ADARB2: variants seen among roughly 807,000 people sequenced by gnomAD.
ADARB2 encodes the protein adenosine deaminase RNA specific B2 (inactive).
ADARB2 carries 25 observed loss-of-function variants against 62.2 expected under a neutral mutation model. The observed-to-expected ratio is 0.40, with a 90% CI of 0.29 to 0.56. ADARB2 has a LOEUF of 0.56. Among genes scored for constraint, ADARB2 ranks in the 20% least tolerant of loss-of-function variants. The pLI is 0.43. For synonymous variants in ADARB2, 572 were observed against 500.8 expected (o/e 1.14, Z -1.90); for missense variants, 1,071 against 1,077.4 (o/e 0.99, Z 0.08).
chr10:1,386,530 G>T (rs1006442615), intron 1 of ADARB2, among the ~76,000 whole-genome samples: 4 of 151,930 alleles, frequency 2.6e-5, no homozygotes, highest in African/African-American at 9.7e-5. Context: ...GTTAACAATA[G>T]ACACAGTAGT....
chr10:1,379,038 G>A, intron 2 of ADARB2, 36 bp downstream of exon 2: 15 of 1,558,002 alleles, frequency 9.6e-6, no homozygotes, highest in Middle Eastern at 1.7e-4. Context: ...AGGATACAGG[G>A]GCCTTTGTGT....
At chr10:1,343,330 G>A (rs1051055807) in intron 3 of ADARB2, among the ~76,000 whole-genome samples, 4 of 152,132 alleles carry the variant, frequency 2.6e-5, no homozygotes, top group African/African-American at 7.2e-5. Context: ...TCTCACAGCC[G>A]TCAGAATGGC....
At chr10:1,302,346 G>C (rs547864396) in intron 3 of ADARB2, among the ~76,000 whole-genome samples, 8 of 152,332 alleles carry the variant, frequency 5.3e-5, no homozygotes, top group African/African-American at 1.9e-4. Context: ...CGCACCACGA[G>C]ATTATATCCC....
At chr10:1,583,429 T>C (rs915553202) in intron 1 of ADARB2, among the ~76,000 whole-genome samples, 2 of 152,184 alleles carry the variant, frequency 1.3e-5, no homozygotes, top group East Asian at 1.9e-4. Flanking sequence ...ATTTTTAAGA[T>C]GAAGTGATGC....
intron 7 of ADARB2, among the ~76,000 whole-genome samples, chr10:1,212,087 A>G (rs777484742): frequency 5.5e-4 from 83 of 152,240 alleles, no homozygotes; most frequent in Middle Eastern, 6.8e-3. Flanking sequence ...TTCCACCTCC[A>G]TGTCCTCAGA....
At chr10:1,593,538 T>A (rs1299273905) in intron 1 of ADARB2, among the ~76,000 whole-genome samples, 2 of 152,256 alleles carry the variant, frequency 1.3e-5, no homozygotes, top group African/African-American at 2.4e-5. Context: ...GACAATTTTT[T>A]AAAATTTAAA....
rs1002450578 is a variant in ADARB2, at chr10:1,179,699, T to C, written c.*3494A>G. ...GTGGTGCTGGTTTTATGAGGACTTT[T>C]GTAGGGGCCTAAGCAGGCATGAATA... On this transcript the variant is annotated 3_prime_UTR_variant, in exon 10 of 10. Transcript: ENST00000381312. The C allele has an allele frequency of 8.5e-5, 13 of 152,364 alleles. No individual in the cohort carries two copies. The highest frequency in any genetic ancestry group is 3.3e-4 in the Admixed American group (5 of 15,302). The allele number at this position is 152,364 out of a possible 1,614,324, so 9.4% of individuals were successfully genotyped here. A position where few individuals can be genotyped will look rare whatever the true frequency, so the allele number is the denominator to read the frequency against.
intron 4 of ADARB2, among the ~76,000 whole-genome samples, chr10:1,263,132 G>T (rs991057266): frequency 7.6e-6 from 1 of 131,236 alleles, no homozygotes; most frequent in African/African-American, 2.9e-5. Context: ...GGCCTGTTGT[G>T]GGGTGGGGGG....
intron 1 of ADARB2, among the ~76,000 whole-genome samples, chr10:1,386,985 C>T (rs985428008): frequency 2.6e-5 from 4 of 151,724 alleles, no homozygotes; most frequent in Non-Finnish European, 5.9e-5. Context: ...TCTGTATATA[C>T]TCAGAAATTA....
intron 3 of ADARB2, among the ~76,000 whole-genome samples, chr10:1,279,029 A>C (rs1327644688): frequency 6.6e-6 from 1 of 152,194 alleles, no homozygotes; most frequent in Non-Finnish European, 1.5e-5. Context: ...TTTTCCCACC[A>C]GTTATTATCA....
At chr10:1,487,624 G>C (rs1394804815) in intron 1 of ADARB2, among the ~76,000 whole-genome samples, 2 of 152,228 alleles carry the variant, frequency 1.3e-5, no homozygotes, top group East Asian at 3.8e-4. Context: ...TATTCCTAAA[G>C]TGTAGTTGGA....
chr10:1,363,910 G>T lies in ADARB2; in HGVS notation c.195C>A (p.Ser65Arg). 1 of 1,469,124 alleles carries T rather than the reference G, an allele frequency of 6.8e-7. No homozygotes were observed. The highest frequency in any genetic ancestry group is 8.9e-7 in the Non-Finnish European group (1 of 1,121,774). The allele number at this position is 1,469,124 out of a possible 1,614,324, so 91.0% of individuals were successfully genotyped here. A position where few individuals can be genotyped will look rare whatever the true frequency, so the allele number is the denominator to read the frequency against. The change falls in exon 3 of 10, where the codon AGC becomes AGA. Residue 65 changes from serine to arginine, a missense_variant. Coordinates refer to ENST00000381312, the MANE Select transcript of ADARB2 (RefSeq NM_018702.4). ...NTEDDDTLSTSSAEVKENRNV... is the reference protein window; with the variant it reads ...NTEDDDTLSTRSAEVKENRNV... ...TGCGGTTCTCCTTCACCTCCGCGCT[G>T]CTGGTACCTGGAGGGGAGAACAGAC...
chr10:1,728,514 C>T (rs984750810), intron 1 of ADARB2, among the ~76,000 whole-genome samples: 1 of 152,158 alleles, frequency 6.6e-6, no homozygotes, highest in Non-Finnish European at 1.5e-5. Context: ...CCCTCTACGT[C>T]GTGTGCATAT....
rs112131364 is a variant in ADARB2, at chr10:1,465,151, G to A, written c.101-85991C>T. Among the ~76,000 whole-genome samples, 884 of 152,326 alleles carry A rather than the reference G, an allele frequency of 5.8e-3. 5 individuals carry two copies. Among genetic ancestry groups the A allele is most frequent in the African/African-American group, 0.019 (795 of 41,576 alleles). On this transcript the variant is annotated intron_variant, in intron 1 of 9. Coordinates refer to ENST00000381312, the MANE Select transcript of ADARB2 (RefSeq NM_018702.4). ...GGCTCAGGCGACTGAGGACGGCTCCGTTTATGTGTCCTTCTCAAAATGGCA... is the reference window on the plus strand; with the variant it reads ...GGCTCAGGCGACTGAGGACGGCTCCATTTATGTGTCCTTCTCAAAATGGCA...
intron 1 of ADARB2, among the ~76,000 whole-genome samples, chr10:1,726,559 G>A (rs1185667615): frequency 2.6e-5 from 4 of 152,156 alleles, no homozygotes; most frequent in Admixed American, 6.5e-5. Flanking sequence ...TCACATGACC[G>A]ACCTCCAGGC....
At chr10:1,672,261 G>T (rs1222755341) in intron 1 of ADARB2, among the ~76,000 whole-genome samples, 1 of 152,166 alleles carries the variant, frequency 6.6e-6, no homozygotes, top group Non-Finnish European at 1.5e-5. Context: ...TGGACTGCGG[G>T]CTGCCCAGGG....
At chr10:1,526,485 TC>T (rs777659913) in intron 1 of ADARB2, among the ~76,000 whole-genome samples, 2 of 152,068 alleles carry the variant, frequency 1.3e-5, no homozygotes, top group African/African-American at 4.8e-5. Context: ...CTTGGTGCTG[TC>T]CTCCTGGTTA....
rs940626952 is a variant in ADARB2, at chr10:1,352,011, C to T, written c.1077+11017G>A. Among the ~76,000 whole-genome samples the T allele has an allele frequency of 1.5e-4, 23 of 151,062 alleles. No homozygotes were observed. In the South Asian group the frequency reaches 4.4e-3, roughly 29 times the overall value. Reference sequence around the variant, plus strand: ...TGCTTTCTTTACTATTCCTTTGCACCCTTCATCCCAGCCTCTCTTCGCTTT... The same window carrying T: ...TGCTTTCTTTACTATTCCTTTGCACTCTTCATCCCAGCCTCTCTTCGCTTT... On this transcript the variant is annotated intron_variant, in intron 3 of 9. Transcript: ENST00000381312.
chr10:1,229,018 G>A (rs1830773441), intron 6 of ADARB2, among the ~76,000 whole-genome samples: 3 of 152,206 alleles, frequency 2.0e-5, no homozygotes, highest in Admixed American at 1.3e-4. Flanking sequence ...CATGGGGTGA[G>A]CTGCATTGGT....
Sources: allele counts gnomAD v4.1 joint callset (sites outside exome capture counted in the v4.1 genomes callset), GRCh38; gene constraint gnomAD v4.1.1; transcripts MANE v1.5; gene names NCBI Gene and HGNC (gene_info 2026-07-23, HGNC 2026-07-21).